The following SVOP variants were observed in gnomAD, a reference collection of about 807,000 sequenced individuals.
SVOP encodes SV2 related protein.
A neutral mutation model predicts 69.1 loss-of-function variants in SVOP; 17 were observed. The observed-to-expected ratio is 0.25, with a 90% CI of 0.17 to 0.37. The LOEUF (loss-of-function observed/expected upper bound fraction) is 0.37, where lower values mean the gene tolerates loss of function less well. SVOP is among the 10% of genes least tolerant of loss of function. SVOP has a pLI of 1.00. For synonymous variants in SVOP, 238 were observed against 238.6 expected (o/e 1.00, Z 0.02); for missense variants, 435 against 597.5 (o/e 0.73, Z 2.84).
At chr12:108,967,021 C>A (rs1227091545) in intron 5 of SVOP, among the ~76,000 whole-genome samples, 1 of 152,096 alleles carries the variant, frequency 6.6e-6, no homozygotes, top group African/African-American at 2.4e-5. Context: ...ATAACAGCAC[C>A]ATGGGAGAGA....
At chr12:109,002,868 T>C (rs2040281015) in intron 1 of SVOP, among the ~76,000 whole-genome samples, 1 of 150,068 alleles carries the variant, frequency 6.7e-6, no homozygotes, top group Non-Finnish European at 1.5e-5. Flanking sequence ...AGATGACAAG[T>C]TAGTGGGTGC....
intron 6 of SVOP, among the ~76,000 whole-genome samples, chr12:108,956,781 G>T (rs766095006): frequency 1.3e-5 from 2 of 152,142 alleles, no homozygotes; most frequent in African/African-American, 4.8e-5. Flanking sequence ...ATGTAGAAGC[G>T]GATGTATGGC....
At chr12:108,955,269 G>T (rs1468960527) in intron 6 of SVOP, among the ~76,000 whole-genome samples, 2 of 152,186 alleles carry the variant, frequency 1.3e-5, no homozygotes, top group East Asian at 3.8e-4. Context: ...TCTTCTGTGA[G>T]TACATTCCTT....
At chr12:108,931,285 C>A (rs1267232540) in intron 11 of SVOP, among the ~76,000 whole-genome samples, 2 of 152,214 alleles carry the variant, frequency 1.3e-5, no homozygotes, top group Non-Finnish European at 2.9e-5. Context: ...ACCCCGAACA[C>A]AAGCAGGAAC....
At chr12:108,953,307 C>G (rs1439028515) in intron 6 of SVOP, among the ~76,000 whole-genome samples, 1 of 151,990 alleles carries the variant, frequency 6.6e-6, no homozygotes, top group Admixed American at 6.6e-5. Context: ...TGCCACCACG[C>G]CCAACTAATT....
chr12:108,942,304 CGTGGTT>C (rs1172600408), intron 7 of SVOP, among the ~76,000 whole-genome samples: 1 of 152,190 alleles, frequency 6.6e-6, no homozygotes, highest in Non-Finnish European at 1.5e-5. Flanking sequence ...CGGCTATAAA[CGTGGTT>C]GTACAAAATG....
chr12:109,019,610 T>C (rs961995047), intron 1 of SVOP, among the ~76,000 whole-genome samples: 18 of 152,222 alleles, frequency 1.2e-4, no homozygotes, highest in African/African-American at 3.9e-4. Context: ...CATTTTTATG[T>C]ACTGTTATAT....
At position 108,941,466 on chromosome 12, in the gene SVOP, G is replaced by A. The variant is rs184950398; in HGVS notation, c.643-557C>T. Among the ~76,000 whole-genome samples the A allele has an allele frequency of 7.6e-4, 115 of 152,204 alleles. 1 individual carries two copies. The highest frequency in any genetic ancestry group is 2.5e-3 in the African/African-American group (103 of 41,524). On this transcript the variant is annotated intron_variant, in intron 7 of 15. Transcript: ENST00000610966. The stretch of plus-strand genomic sequence containing the variant: ...CCTGGGCTCCTCGGCCTCCCAAAGC[G>A]CTGGGATTACAGGCATGAGCCACCA...
rs1468222135 is a variant in SVOP, at chr12:108,960,986, A to G, written c.515T>C (p.Val172Ala). The G allele has an allele frequency of 2.0e-6, 3 of 1,537,118 alleles. No homozygotes were observed. The highest frequency in any genetic ancestry group is 2.6e-6 in the Non-Finnish European group (3 of 1,146,844). The stretch of plus-strand genomic sequence containing the variant: ...CCGGAGCACCAGGATCCAGCTATAC[A>G]CGGGCGCAAATGCACTAAGGATGCC... ...YYGILSAFAPVYSWILVLRGL... is the reference protein window; with the variant it reads ...YYGILSAFAPAYSWILVLRGL... The change falls in exon 6 of 16, where the codon GTG becomes GCG. Residue 172 changes from valine to alanine, a missense_variant. Val to Ala is a moderately conservative substitution (Grantham distance 64, BLOSUM62 0). Transcript: ENST00000610966.
intron 1 of SVOP, among the ~76,000 whole-genome samples, chr12:108,988,080 CCTGA>C (rs1483886429): frequency 3.4e-4 from 33 of 96,074 alleles, no homozygotes; most frequent in African/African-American, 1.1e-3. Context: ...CACGGCCATG[CCTGA>C]CTAATTTTTT....
chr12:109,003,102 T>G (rs1431531842), intron 1 of SVOP, among the ~76,000 whole-genome samples: 1 of 152,150 alleles, frequency 6.6e-6, no homozygotes, highest in African/African-American at 2.4e-5. Context: ...GGCAGTTTGT[T>G]TGCATGCTAC....
chr12:108,915,923 C>A, intron 14 of SVOP, 51 bp from the exon 15 acceptor site: 4 of 1,494,638 alleles, frequency 2.7e-6, no homozygotes, highest in Non-Finnish European at 3.6e-6. Context: ...GTTCCTCCCA[C>A]CACTCCAGCT....
chr12:108,933,512 T>C (rs2039835481), intron 11 of SVOP, among the ~76,000 whole-genome samples: 2 of 118,014 alleles, frequency 1.7e-5, no homozygotes, highest in African/African-American at 8.9e-5. Context: ...ACACCATCTT[T>C]ACTAAAAAAA....
chr12:108,912,411 T>C lies in SVOP; in HGVS notation c.*124A>G, dbSNP rs1294119995. On this transcript the variant is annotated 3_prime_UTR_variant, in exon 16 of 16. Coordinates refer to ENST00000610966, the MANE Select transcript of SVOP (RefSeq NM_018711.5). ...AACTGAGTCAAGACACAAAACCCTG[T>C]TGGTCCAGGTCATACTCTTGGGTGA... is the stretch of plus-strand genomic sequence containing the variant. 2 of 1,528,710 alleles carry C rather than the reference T, an allele frequency of 1.3e-6. No homozygotes were observed. The highest frequency in any genetic ancestry group is 1.4e-5 in the African/African-American group (1 of 72,626). The allele number at this position is 1,528,710 out of a possible 1,614,324, so 94.7% of individuals were successfully genotyped here. A position where few individuals can be genotyped will look rare whatever the true frequency, so the allele number is the denominator to read the frequency against.
intron 14 of SVOP, among the ~76,000 whole-genome samples, chr12:108,916,788 G>T (rs965588662): frequency 6.6e-6 from 1 of 152,118 alleles, no homozygotes; most frequent in African/African-American, 2.4e-5. Flanking sequence ...TGTCATTCAG[G>T]CTGGAGTGCA....
chr12:108,972,935 G>T (rs1187271968), intron 4 of SVOP, among the ~76,000 whole-genome samples: 3 of 152,218 alleles, frequency 2.0e-5, no homozygotes, highest in African/African-American at 7.2e-5. Context: ...CTCATTGTGT[G>T]GGAGGCCAAG....
rs1028112554 is a variant in SVOP at position 108,941,013 on chromosome 12, T to A, written c.643-104A>T. ...GGGTATCTCTGTGGGTAAGGGGTCA[T>A]CGGAGTCAGTAAGGTTAGAATAGCC... On this transcript the variant is annotated intron_variant, in intron 7 of 15. Transcript: ENST00000610966. 36 of 1,432,738 alleles carry A rather than the reference T, an allele frequency of 2.5e-5. No individual in the cohort carries two copies. The African/African-American group carries it at 4.8e-4, about 19-fold the overall frequency. The allele number at this position is 1,432,738 out of a possible 1,614,324, so 88.8% of individuals were successfully genotyped here.
chr12:108,979,538 G>A (rs919111301), intron 2 of SVOP, among the ~76,000 whole-genome samples: 6 of 152,192 alleles, frequency 3.9e-5, no homozygotes, highest in East Asian at 3.9e-4. Context: ...CACCATGCCC[G>A]GCCTGAAATA....
chr12:108,997,311 C>T (rs530638067), intron 1 of SVOP, among the ~76,000 whole-genome samples: 5 of 151,576 alleles, frequency 3.3e-5, no homozygotes, highest in African/African-American at 1.2e-4. Context: ...GAGGGTCCTA[C>T]GCCCACGGAG....
Sources: gnomAD v4.1 joint callset for allele counts (sites outside exome capture counted in the v4.1 genomes callset) on GRCh38, gnomAD v4.1.1 for gene constraint, MANE v1.5 for transcripts, NCBI Gene and HGNC (gene_info 2026-07-23, HGNC 2026-07-21) for gene names.